The following RAB7A variants were observed in gnomAD, a reference collection of about 807,000 sequenced individuals.
RAB7A encodes the protein RAB7A, member RAS oncogene family, also known as ras-related protein Rab-7a.
A neutral mutation model predicts 24.5 loss-of-function variants in RAB7A; 2 were observed. That is an observed-to-expected ratio of 0.08 (90% CI 0.03 to 0.26). The LOEUF (loss-of-function observed/expected upper bound fraction) is 0.26, where lower values mean the gene tolerates loss of function less well. RAB7A is among the 10% of genes least tolerant of loss of function. The probability of loss-of-function intolerance (pLI) is 1.00; values close to 1 mark genes in which losing one functional copy is unlikely to be tolerated. For missense variants in RAB7A, 118 were observed against 255.7 expected (o/e 0.46, Z 3.67); for synonymous variants, 100 against 95.9 (o/e 1.04, Z -0.25).
intron 1 of RAB7A, among the ~76,000 whole-genome samples, chr3:128,771,158 C>T (rs1424701016): frequency 1.3e-5 from 2 of 151,968 alleles, no homozygotes; most frequent in Admixed American, 6.6e-5. Flanking sequence ...CTGGTAGAGA[C>T]GGGGTTTTCA....
intron 1 of RAB7A, among the ~76,000 whole-genome samples, chr3:128,750,412 C>T (rs2070665049): frequency 6.6e-6 from 1 of 152,144 alleles, no homozygotes; most frequent in Admixed American, 6.5e-5. Context: ...CAGGTGCCCG[C>T]CACCACGCCC....
chr3:128,797,848 A>G (rs545214728), intron 2 of RAB7A, 95 bp from the exon 3 acceptor site: 5 of 1,450,260 alleles, frequency 3.4e-6, no homozygotes, highest in East Asian at 2.3e-5. Flanking sequence ...CTTGTCCTTC[A>G]GGTCAGGCAG....
At chr3:128,811,962 A>G (rs1322644452) in intron 5 of RAB7A, among the ~76,000 whole-genome samples, 1 of 152,232 alleles carries the variant, frequency 6.6e-6, no homozygotes, top group Non-Finnish European at 1.5e-5. Context: ...CTATTGAGAC[A>G]GAAAGTAGAT....
At chr3:128,780,352 C>A (rs7372263) in intron 1 of RAB7A, among the ~76,000 whole-genome samples, 73,093 of 152,030 alleles carry the variant, frequency 0.48, 20,245 homozygotes, top group Non-Finnish European at 0.63. Flanking sequence ...CCATTTTTTT[C>A]AACTCTGTGG....
At chr3:128,755,770 A>AT (rs1175555463) in intron 1 of RAB7A, among the ~76,000 whole-genome samples, 3 of 151,966 alleles carry the variant, frequency 2.0e-5, no homozygotes, top group African/African-American at 4.8e-5. Context: ...AATGGTAATG[A>AT]TTTTTTTTAA....
intron 1 of RAB7A, among the ~76,000 whole-genome samples, chr3:128,763,367 A>G (rs1301330449): frequency 6.6e-6 from 1 of 151,394 alleles, no homozygotes; most frequent in Non-Finnish European, 1.5e-5. Flanking sequence ...GGCACCCGCC[A>G]CCACGCCTGG....
At chr3:128,764,853 G>T in intron 1 of RAB7A, 2 of 1,144,000 alleles carry the variant, frequency 1.7e-6, no homozygotes, top group South Asian at 1.2e-5. Flanking sequence ...GGTGAAGAAA[G>T]TATGTGGCAA....
intron 1 of RAB7A, among the ~76,000 whole-genome samples, chr3:128,729,846 A>C (rs2070417317): frequency 6.6e-6 from 1 of 152,090 alleles, no homozygotes; most frequent in Admixed American, 6.6e-5. Context: ...TTTCCTGGGG[A>C]GGTAAGGATT....
intron 1 of RAB7A, among the ~76,000 whole-genome samples, chr3:128,779,679 A>ACTC (rs1933178262): frequency 6.6e-6 from 1 of 151,492 alleles, no homozygotes; most frequent in African/African-American, 2.4e-5. Context: ...GCAGCCTTGA[A>ACTC]CTCCTAGGCT....
At chr3:128,787,167 AGCC>A (rs1933357909) in intron 1 of RAB7A, among the ~76,000 whole-genome samples, 1 of 152,232 alleles carries the variant, frequency 6.6e-6, no homozygotes, top group African/African-American at 2.4e-5. Context: ...GGAGCAGAAA[AGCC>A]AACTGTGATT....
intron 3 of RAB7A, chr3:128,798,877 T>C: frequency 3.5e-6 from 1 of 288,388 alleles, no homozygotes; most frequent in South Asian, 3.4e-5. Flanking sequence ...TGTATTTTCA[T>C]CTCTTTCTTC....
At chr3:128,775,643 A>G (rs147363142) in intron 1 of RAB7A, among the ~76,000 whole-genome samples, 3,658 of 152,334 alleles carry the variant, frequency 0.024, 65 homozygotes, top group Admixed American at 0.05. Flanking sequence ...CCTTTACCTA[A>G]ATGAATTTGT....
rs569313695 is a variant in RAB7A at position 128,729,474 on chromosome 3, G to A, written c.-9+3115G>A. Among the ~76,000 whole-genome samples, 3 of 151,778 alleles carry A rather than the reference G, an allele frequency of 2.0e-5. No homozygotes were observed. In the South Asian group the frequency reaches 6.2e-4, roughly 32 times the overall value. ...AGTCCCAGCTACTCGTGAGGCTGAG[G>A]CAGGAGAATGGCGTGAACCCAGGAG... On this transcript the variant is annotated intron_variant, in intron 1 of 5. Transcript: ENST00000265062.
chr3:128,752,755 T>A (rs566335328), intron 1 of RAB7A, among the ~76,000 whole-genome samples: 1,589 of 151,332 alleles, frequency 0.011, 28 homozygotes, highest in African/African-American at 0.034. Context: ...TTTTTTTTTT[T>A]AAAGTGTTTA....
intron 1 of RAB7A, among the ~76,000 whole-genome samples, chr3:128,794,488 ACTGCTGT>A (rs780698833): frequency 1.3e-5 from 2 of 152,206 alleles, no homozygotes; most frequent in Non-Finnish European, 2.9e-5. Context: ...CACTATAGGC[ACTGCTGT>A]CAGCCTTGCC....
chr3:128,749,667 A>G (rs572557100), intron 1 of RAB7A, among the ~76,000 whole-genome samples: 28 of 152,252 alleles, frequency 1.8e-4, no homozygotes, highest in Non-Finnish European at 3.8e-4. Flanking sequence ...GATAGTGGAT[A>G]AATCTCATGA....
chr3:128,801,517 T>A (rs534811177), intron 3 of RAB7A, among the ~76,000 whole-genome samples: 32 of 15,096 alleles, frequency 2.1e-3, no homozygotes, highest in African/African-American at 8.3e-3. Context: ...AAGATAATCG[T>A]TTATCTGCAG....
At chr3:128,792,953 C>T (rs543475159) in intron 1 of RAB7A, among the ~76,000 whole-genome samples, 5 of 152,140 alleles carry the variant, frequency 3.3e-5, no homozygotes, top group Non-Finnish European at 4.4e-5. Flanking sequence ...CGGGTTCAAA[C>T]GATTCTCCTG....
intron 1 of RAB7A, among the ~76,000 whole-genome samples, chr3:128,774,007 A>T (rs1279407208): frequency 6.7e-6 from 1 of 150,152 alleles, no homozygotes; most frequent in African/African-American, 2.5e-5. Context: ...TTATGTGCTG[A>T]CCTTCCCTGC....
Sources: allele counts gnomAD v4.1 joint callset (sites outside exome capture counted in the v4.1 genomes callset), GRCh38; gene constraint gnomAD v4.1.1; transcripts MANE v1.5; gene names NCBI Gene and HGNC (gene_info 2026-07-23, HGNC 2026-07-21).